ZNF227: variants seen among roughly 807,000 people sequenced by gnomAD.
ZNF227 encodes zinc finger protein 227.
ZNF227 carries 12 observed loss-of-function variants against 13.2 expected under a neutral mutation model. That is an observed-to-expected ratio of 0.91 (90% CI 0.58 to 1.47). ZNF227 has a LOEUF of 1.47. Ranked by LOEUF, ZNF227 falls within the 40% of genes most tolerant of loss-of-function variation. The pLI is 0.00. For synonymous variants in ZNF227, 338 were observed against 326.0 expected (o/e 1.04, Z -0.40); for missense variants, 885 against 967.5 (o/e 0.91, Z 1.13).
At chr19:44,215,582 A>T (rs1395460390) in intron 2 of ZNF227, among the ~76,000 whole-genome samples, 1 of 151,100 alleles carries the variant, frequency 6.6e-6, no homozygotes, top group African/African-American at 2.4e-5. Context: ...TCTGGAGTTT[A>T]TATGGTTTTG....
At chr19:44,225,835 G>A (rs1367295440) in intron 3 of ZNF227, among the ~76,000 whole-genome samples, 1 of 152,198 alleles carries the variant, frequency 6.6e-6, no homozygotes, top group African/African-American at 2.4e-5. Flanking sequence ...AGGAGGAGAG[G>A]CGCTCTGCTT....
At chr19:44,224,087 C>A (rs1972838409) in intron 3 of ZNF227, among the ~76,000 whole-genome samples, 1 of 152,202 alleles carries the variant, frequency 6.6e-6, no homozygotes. Context: ...GAGTGAGTTT[C>A]TTAATCCTGA....
chr19:44,212,304 T>C (rs1305859155), upstream of ZNF227, among the ~76,000 whole-genome samples: 3 of 151,290 alleles, frequency 2.0e-5, no homozygotes, highest in African/African-American at 7.3e-5. Flanking sequence ...CTGGATGTTG[T>C]AGTCCGGGAG....
At chr19:44,217,423 C>G (rs547591988) in intron 2 of ZNF227, 27 of 487,852 alleles carry the variant, frequency 5.5e-5, no homozygotes, top group Admixed American at 5.5e-4. Flanking sequence ...GTACACATAA[C>G]AGAAGTGAGG....
chr19:44,213,825 G>A (rs7260304), intron 2 of ZNF227: 92,382 of 152,010 alleles, frequency 0.61, 28,413 homozygotes, highest in African/African-American at 0.7. Flanking sequence ...GAAAAATCCT[G>A]CAACATCTCA....
intron 5 of ZNF227, among the ~76,000 whole-genome samples, chr19:44,230,489 G>T (rs1048325007): frequency 1.3e-5 from 2 of 151,960 alleles, no homozygotes; most frequent in Non-Finnish European, 2.9e-5. Context: ...GATCATTTCA[G>T]CCATGCTGGC....
chr19:44,228,787 C>T (rs772892090), intron 4 of ZNF227: 7 of 513,462 alleles, frequency 1.4e-5, no homozygotes, highest in African/African-American at 2.0e-5. Context: ...TGGGTGATTT[C>T]GCCCCCAGAA....
chr19:44,236,066 A>G lies in ZNF227; in HGVS notation c.1636A>G (p.Lys546Glu), dbSNP rs1450507955. 6.2e-7 allele frequency: 1 copy of G among 1,614,164 alleles called. No homozygotes were observed. Among genetic ancestry groups the G allele is most frequent in the South Asian group, 1.1e-5 (1 of 91,082 alleles). Residue 546 changes from lysine to glutamate, a missense_variant, in exon 6 of 6, where the codon AAA becomes GAA. Transcript: ENST00000313040. Reference sequence around the variant, plus strand: ...CCATCAGCGAGTCCACACTGGAGAGAAACCATATAGATGTGATGTGTGTGG... The same window carrying G: ...CCATCAGCGAGTCCACACTGGAGAGGAACCATATAGATGTGATGTGTGTGG... Reference protein sequence around the residue: ...QTHQRVHTGEKPYRCDVCGKD... With the variant: ...QTHQRVHTGEEPYRCDVCGKD...
intron 2 of ZNF227, among the ~76,000 whole-genome samples, chr19:44,216,843 C>A (rs893292542): frequency 2.0e-5 from 3 of 150,966 alleles, no homozygotes; most frequent in Non-Finnish European, 4.4e-5. Flanking sequence ...AGCTGGGCAA[C>A]AAATTACTAA....
intron 5 of ZNF227, among the ~76,000 whole-genome samples, chr19:44,231,809 T>C (rs1264258358): frequency 6.6e-6 from 1 of 152,234 alleles, no homozygotes; most frequent in Non-Finnish European, 1.5e-5. Flanking sequence ...TTCTAAGACA[T>C]TTTTGGACAT....
chr19:44,234,861 T>C lies in ZNF227; in HGVS notation c.431T>C (p.Ile144Thr). 1 of 1,613,946 alleles carries C rather than the reference T, an allele frequency of 6.2e-7. No homozygotes were observed. Among genetic ancestry groups the C allele is most frequent in the Non-Finnish European group, 8.5e-7 (1 of 1,179,970 alleles). The change falls in exon 6 of 6, where the codon ATT becomes ACT. Residue 144 changes from isoleucine (I) to threonine (T), a missense_variant. Ile to Thr is a moderately conservative substitution (Grantham distance 89). Transcript: ENST00000313040. ...TCCCAGTTATTACAAGGTGACTCTATTCAGGTTTCTGAAAATGAGAACAAT... is the reference window on the plus strand; with the variant it reads ...TCCCAGTTATTACAAGGTGACTCTACTCAGGTTTCTGAAAATGAGAACAAT... Reference protein sequence around the residue: ...KSSQLLQGDSIQVSENENNIM... With the variant: ...KSSQLLQGDSTQVSENENNIM...
At chr19:44,225,614 C>G (rs1973046329) in intron 3 of ZNF227, among the ~76,000 whole-genome samples, 1 of 152,186 alleles carries the variant, frequency 6.6e-6, no homozygotes, top group South Asian at 2.1e-4. Flanking sequence ...GCTTTCAGCT[C>G]CATCAGCTCC....
intron 2 of ZNF227, among the ~76,000 whole-genome samples, chr19:44,215,298 C>G (rs1319188949): frequency 6.6e-6 from 1 of 151,676 alleles, no homozygotes; most frequent in Non-Finnish European, 1.5e-5. Flanking sequence ...TCCCGAGTAG[C>G]TGAGGTCAGT....
intron 2 of ZNF227, among the ~76,000 whole-genome samples, chr19:44,214,285 T>G (rs1210149396): frequency 6.6e-6 from 1 of 152,216 alleles, no homozygotes; most frequent in African/African-American, 2.4e-5. Flanking sequence ...TTAATGTGTT[T>G]CCCTTTAGTA....
chr19:44,209,828 T>C (rs184131195), upstream of ZNF227, among the ~76,000 whole-genome samples: 14 of 152,254 alleles, frequency 9.2e-5, no homozygotes, highest in African/African-American at 2.9e-4. Context: ...CCTCGTGATC[T>C]GCCCACCTCG....
Position 44,236,190 on chromosome 19 carries a change from G to A in ZNF227, c.1760G>A (p.Trp587Ter), listed in dbSNP as rs773151362. ...GAGGAATGTGGGAAGGGCTTCAGTT[G>A]GAGATCAAATCTTCATGCACATCAA... ...KCEECGKGFSWRSNLHAHQRV... is the reference protein window; with the variant it reads ...KCEECGKGFS Residue 587 changes from tryptophan (W) to a stop codon, truncating the protein, a stop_gained, in exon 6 of 6, where the codon TGG (tryptophan) becomes TAG (stop). Coordinates refer to ENST00000313040, the MANE Select transcript of ZNF227 (RefSeq NM_182490.3). LOFTEE classifies it low-confidence loss of function (END_TRUNC). 1 of 1,613,840 alleles carries A rather than the reference G, an allele frequency of 6.2e-7. No individual in the cohort carries two copies. Among genetic ancestry groups the A allele is most frequent in the Non-Finnish European group, 8.5e-7 (1 of 1,179,936 alleles).
chr19:44,212,401 A>G (rs1971426064), upstream of ZNF227: 1 of 145,216 alleles, frequency 6.9e-6, no homozygotes, highest in Non-Finnish European at 1.5e-5. Context: ...TCAAGCGCGA[A>G]GAGGGCGGCA....
rs561341687 is a variant in ZNF227 at position 44,226,183 on chromosome 19, C to T, written c.61-2263C>T. 9.1e-4 allele frequency among the ~76,000 whole-genome samples: 138 copies of T among 152,306 alleles called. 1 individual carries two copies. The highest frequency in any genetic ancestry group is 3.0e-3 in the African/African-American group (124 of 41,560). ...GTACTCAGCTGTGTGAGGTGTCAGT[C>T]TGCCCCTACTGGGGGGGTGTCTCCC... On this transcript the variant is annotated intron_variant, in intron 3 of 5. Transcript: ENST00000313040.
rs1568614098 is a variant in ZNF227, at chr19:44,234,690, C to T, written c.272-12C>T. On this transcript the variant is annotated splice_polypyrimidine_tract_variant and intron_variant, in intron 5 of 5. Transcript: ENST00000313040. ...CTCATCTCTAAATATTGCCTTTTTT[C>T]TTTTTTAATAGGCAGCAAGCATCAA... 7 of 1,557,078 alleles carry T rather than the reference C, an allele frequency of 4.5e-6. No homozygotes were observed. The highest frequency in any genetic ancestry group is 2.5e-5 in the South Asian group (2 of 80,882).
Sources: gnomAD v4.1 joint callset for allele counts (sites outside exome capture counted in the v4.1 genomes callset) on GRCh38, gnomAD v4.1.1 for gene constraint, MANE v1.5 for transcripts, NCBI Gene and HGNC (gene_info 2026-07-23, HGNC 2026-07-21) for gene names.